HTR4: variants seen among roughly 807,000 people sequenced by gnomAD.
HTR4 encodes the protein 5-hydroxytryptamine (serotonin) receptor 4, G protein-coupled.
A neutral mutation model predicts 36.8 loss-of-function variants in HTR4; 16 were observed. That is an observed-to-expected ratio of 0.43 (90% CI 0.29 to 0.66). The LOEUF (loss-of-function observed/expected upper bound fraction) is 0.66. Ranked by LOEUF, HTR4 falls within the 30% of genes least tolerant of loss-of-function variation. HTR4 has a pLI of 0.13. For missense variants in HTR4, 438 were observed against 490.9 expected (o/e 0.89, Z 1.02); for synonymous variants, 189 against 185.1 (o/e 1.02, Z -0.17).
intron 2 of HTR4, among the ~76,000 whole-genome samples, chr5:148,588,943 A>G (rs1258533804): frequency 6.6e-6 from 1 of 152,058 alleles, no homozygotes; most frequent in African/African-American, 2.4e-5. Context: ...TGTTTTCTGT[A>G]TGTTTACGTT....
chr5:148,588,471 C>G (rs1761429293), intron 2 of HTR4, among the ~76,000 whole-genome samples: 1 of 151,306 alleles, frequency 6.6e-6, no homozygotes, highest in South Asian at 2.1e-4. Context: ...TCCCTCTCCC[C>G]AGAAGTTATC....
At chr5:148,483,547 T>C (rs1755993978) in intron 6 of HTR4, among the ~76,000 whole-genome samples, 1 of 152,354 alleles carries the variant, frequency 6.6e-6, no homozygotes, top group African/African-American at 2.4e-5. Flanking sequence ...CTATTACGCC[T>C]ATCAGGCCCC....
intron 6 of HTR4, among the ~76,000 whole-genome samples, chr5:148,495,972 G>C (rs893638640): frequency 1.3e-5 from 2 of 151,922 alleles, no homozygotes; most frequent in Non-Finnish European, 2.9e-5. Context: ...TTTGGTGGCT[G>C]GCGCCTGTAA....
At chr5:148,603,083 A>C (rs1003761312) in intron 2 of HTR4, among the ~76,000 whole-genome samples, 1 of 152,116 alleles carries the variant, frequency 6.6e-6, no homozygotes, top group African/African-American at 2.4e-5. Flanking sequence ...AATGACCTTG[A>C]TACCAAAATC....
intron 1 of HTR4, among the ~76,000 whole-genome samples, chr5:148,651,908 T>C (rs1396857562): frequency 1.3e-5 from 2 of 152,252 alleles, no homozygotes; most frequent in East Asian, 3.9e-4. Context: ...AATTCTAGCA[T>C]TGAAAGAACC....
chr5:148,572,242 T>C (rs1033150314), intron 2 of HTR4, among the ~76,000 whole-genome samples: 3 of 152,094 alleles, frequency 2.0e-5, no homozygotes, highest in Non-Finnish European at 1.5e-5. Context: ...TGCTACTATA[T>C]GCCAGAAAGA....
intron 5 of HTR4, among the ~76,000 whole-genome samples, chr5:148,453,735 T>C (rs1018787578): frequency 6.6e-6 from 1 of 152,142 alleles, no homozygotes; most frequent in Non-Finnish European, 1.5e-5. Flanking sequence ...TTTTACTACA[T>C]GTGAGGGGTC....
intron 5 of HTR4, among the ~76,000 whole-genome samples, chr5:148,457,360 A>T (rs1412044111): frequency 6.6e-6 from 1 of 152,106 alleles, no homozygotes; most frequent in Non-Finnish European, 1.5e-5. Flanking sequence ...ATTTGCATTA[A>T]TTTACTCAAA....
intron 1 of HTR4, among the ~76,000 whole-genome samples, chr5:148,646,729 C>G (rs1171327556): frequency 6.6e-6 from 1 of 152,140 alleles, no homozygotes; most frequent in Non-Finnish European, 1.5e-5. Context: ...TATAACAGAC[C>G]AAGAACCTAA....
intron 4 of HTR4, among the ~76,000 whole-genome samples, chr5:148,527,154 A>T (rs1452881664): frequency 6.6e-6 from 1 of 152,240 alleles, no homozygotes; most frequent in Non-Finnish European, 1.5e-5. Flanking sequence ...AAGTATGTAC[A>T]ACTATTATGT....
intron 3 of HTR4, among the ~76,000 whole-genome samples, chr5:148,549,329 C>T (rs1315569735): frequency 4.6e-5 from 7 of 152,216 alleles, no homozygotes; most frequent in African/African-American, 1.7e-4. Context: ...CCATTTTACA[C>T]TAGCAGACTG....
intron 2 of HTR4, among the ~76,000 whole-genome samples, chr5:148,605,010 C>T (rs528997673): frequency 7.9e-5 from 12 of 152,216 alleles, no homozygotes; most frequent in East Asian, 1.9e-4. Flanking sequence ...TAAGCCACTA[C>T]GTAAAATAAG....
At chr5:148,502,053 C>T (rs1756958392) in intron 6 of HTR4, among the ~76,000 whole-genome samples, 1 of 150,150 alleles carries the variant, frequency 6.7e-6, no homozygotes, top group Non-Finnish European at 1.5e-5. Flanking sequence ...GAGCGAAACT[C>T]TGTCTCAAAA....
At chr5:148,604,333 TA>T (rs1206940340) in intron 2 of HTR4, among the ~76,000 whole-genome samples, 4 of 151,940 alleles carry the variant, frequency 2.6e-5, no homozygotes, top group African/African-American at 9.6e-5. Flanking sequence ...AATTCAACAG[TA>T]AAATGAACAA....
chr5:148,635,022 C>T (rs116007802), intron 2 of HTR4, among the ~76,000 whole-genome samples: 2,210 of 152,088 alleles, frequency 0.015, 49 homozygotes, highest in African/African-American at 0.051. Flanking sequence ...ATTTTTTTAA[C>T]ATTCCCTTAT....
intron 6 of HTR4, among the ~76,000 whole-genome samples, chr5:148,488,291 A>C (rs772534303): frequency 2.6e-5 from 4 of 152,210 alleles, no homozygotes; most frequent in Non-Finnish European, 4.4e-5. Context: ...AAGGGGATTC[A>C]AATTATTCAT....
intron 2 of HTR4, among the ~76,000 whole-genome samples, chr5:148,588,309 A>G (rs577377671): frequency 1.3e-5 from 2 of 152,200 alleles, no homozygotes; most frequent in Non-Finnish European, 2.9e-5. Context: ...TACAGAAAAT[A>G]TTACATAATG....
chr5:148,594,870 A>G (rs1181480577), intron 2 of HTR4, among the ~76,000 whole-genome samples: 1 of 152,182 alleles, frequency 6.6e-6, no homozygotes. Context: ...AGCCAATAGA[A>G]TTTCTCATTT....
chr5:148,588,179 T>G (rs756683631), intron 2 of HTR4, among the ~76,000 whole-genome samples: 2 of 152,222 alleles, frequency 1.3e-5, no homozygotes, highest in African/African-American at 4.8e-5. Context: ...GCTCTGTGGT[T>G]GCAAGACCGA....
Sources: allele counts gnomAD v4.1 joint callset (sites outside exome capture counted in the v4.1 genomes callset), GRCh38; gene constraint gnomAD v4.1.1; transcripts MANE v1.5; gene names NCBI Gene and HGNC (gene_info 2026-07-23, HGNC 2026-07-21).